BSPRY: variants seen among roughly 807,000 people sequenced by gnomAD.
The protein encoded by BSPRY is B box and SPRY domain-containing protein.
BSPRY carries 33 observed loss-of-function variants against 38.0 expected under a neutral mutation model. The ratio of observed to expected loss-of-function variants is 0.87; its 90% confidence interval spans 0.66 to 1.16. BSPRY has a LOEUF of 1.16. Ranked by LOEUF, BSPRY falls within the 50% of genes most tolerant of loss-of-function variation. BSPRY has a pLI of 0.00. For synonymous variants in BSPRY, 224 were observed against 228.5 expected (o/e 0.98, Z 0.18); for missense variants, 523 against 533.2 (o/e 0.98, Z 0.19).
intron 2 of BSPRY, among the ~76,000 whole-genome samples, chr9:113,356,347 A>C (rs1051573831): frequency 1.1e-4 from 16 of 152,248 alleles, no homozygotes; most frequent in Admixed American, 9.2e-4. Flanking sequence ...TACTAAAAAT[A>C]CAAAAAAATT....
chr9:113,355,229 G>A (rs1564334534), intron 2 of BSPRY, among the ~76,000 whole-genome samples: 2 of 152,126 alleles, frequency 1.3e-5, no homozygotes, highest in Non-Finnish European at 2.9e-5. Context: ...TGCCTATCAG[G>A]GGCAGAGCCT....
In BSPRY at chr9:113,369,989, C is replaced by T. The variant is rs775789127; in HGVS notation, c.1056C>T (p.Ala352=). 1.9e-6 allele frequency: 3 copies of T among 1,614,112 alleles called. No individual in the cohort carries two copies. Among genetic ancestry groups the T allele is most frequent in the Non-Finnish European group, 2.5e-6 (3 of 1,180,024 alleles). Residue 352 remains alanine (A), a synonymous_variant, in exon 6 of 6, where the codon GCC becomes GCT. Transcript: ENST00000374183. ...HEPLGLLRGP[A]QLGVVLDLQV... ...CCCTGGGGCTGCTGCGGGGCCCAGC[C>T]CAGCTGGGTGTAGTGCTGGACTTGC...
At chr9:113,360,383 T>G in intron 2 of BSPRY, 124 bp from the exon 3 acceptor site, 1 of 875,848 alleles carries the variant, frequency 1.1e-6, no homozygotes. Flanking sequence ...TTATTTCCAT[T>G]ACTAAGCCCG....
chr9:113,366,008 T>A (rs901320700), intron 4 of BSPRY, among the ~76,000 whole-genome samples: 2 of 152,106 alleles, frequency 1.3e-5, no homozygotes, highest in Non-Finnish European at 2.9e-5. Flanking sequence ...TTTCACCATA[T>A]TAGCCAGGCT....
At position 113,370,081 on chromosome 9, in the gene BSPRY, T is replaced by C; in HGVS notation, c.1148T>C (p.Phe383Ser). ...GTGCTCTGTGCCCATCATGTGTCCT[T>C]CCCGGGGCCCCTCTTCCCAGTCTTT... ...GTVLCAHHVS[F>S]PGPLFPVFAV... is the part of the protein sequence containing the mutation. The change falls in exon 6 of 6, where the codon TTC becomes TCC. Residue 383 changes from phenylalanine to serine, a missense_variant. Coordinates refer to ENST00000374183, the MANE Select transcript of BSPRY (RefSeq NM_017688.3). This position sits in a 1 kb window ranked among gnomAD's most constrained non-coding sequence, Gnocchi z 4.8. The C allele has an allele frequency of 6.2e-7, 1 of 1,610,682 alleles. No individual in the cohort carries two copies. The highest frequency in any genetic ancestry group is 1.1e-5 in the South Asian group (1 of 90,640).
chr9:113,351,961 C>T (rs1459952504), intron 1 of BSPRY, among the ~76,000 whole-genome samples: 2 of 152,106 alleles, frequency 1.3e-5, no homozygotes, highest in African/African-American at 2.4e-5. Flanking sequence ...AGGCGCATGC[C>T]ACTACGCCTG....
Position 113,369,864 on chromosome 9 carries a change from G to A in BSPRY, c.931G>A (p.Gly311Ser). The A allele has an allele frequency of 6.2e-7, 1 of 1,614,264 alleles. No individual in the cohort carries two copies. ...GGCTTCAGGCCACCTGCCCCGCAAG[G>A]GTTCTGGCAGTGACTGCCGTCTGGG... ...GVASGHLPRK[G>S]SGSDCRLGHN... The change falls in exon 6 of 6, where the codon GGT (glycine) becomes AGT (serine). Residue 311 changes from glycine (G) to serine (S), a missense_variant. By Grantham distance (56) the Gly-to-Ser change is moderately conservative. Transcript: ENST00000374183.
At chr9:113,364,950 T>G (rs868494223) in intron 4 of BSPRY, among the ~76,000 whole-genome samples, 1 of 78,846 alleles carries the variant, frequency 1.3e-5, no homozygotes, top group African/African-American at 4.6e-5. Flanking sequence ...TTAGCTTGTT[T>G]TTTTTTTTTT....
intron 1 of BSPRY, among the ~76,000 whole-genome samples, chr9:113,350,798 TCA>T (rs2118899850): frequency 6.6e-6 from 1 of 152,246 alleles, no homozygotes; most frequent in South Asian, 2.1e-4. Context: ...GTTACCTCTA[TCA>T]ACAATAATGA....
In BSPRY at chr9:113,370,017, G is replaced by A; in HGVS notation, c.1084G>A (p.Val362Ile). The A allele has an allele frequency of 6.2e-7, 1 of 1,614,104 alleles. No homozygotes were observed. The highest frequency in any genetic ancestry group is 8.5e-7 in the Non-Finnish European group (1 of 1,180,022). The part of the protein sequence containing the change: ...AQLGVVLDLQ[V>I]QELLFYEPAS... ...GCTGGGTGTAGTGCTGGACTTGCAG[G>A]TTCAGGAGCTGCTCTTCTATGAGCC... The change falls in exon 6 of 6, where the codon GTT becomes ATT. Residue 362 changes from valine (V) to isoleucine (I), a missense_variant. By Grantham distance (29) the Val-to-Ile change is conservative (BLOSUM62 3). Transcript: ENST00000374183. The surrounding 1 kb of genome is among the most constrained non-coding windows in gnomAD (Gnocchi z 4.8).
Position 113,369,969 on chromosome 9 carries a change from G to A in BSPRY, c.1036G>A (p.Gly346Arg), listed in dbSNP as rs774252749. Residue 346 changes from glycine (G) to arginine (R), a missense_variant, in exon 6 of 6, where the codon GGG becomes AGG. By Grantham distance (125) the Gly-to-Arg change is moderately radical. Transcript: ENST00000374183. ...FSHNGQHEPLGLLRGPAQLGV... is the reference protein window; with the variant it reads ...FSHNGQHEPLRLLRGPAQLGV... ...ACACAATGGGCAGCACGAGCCCCTG[G>A]GGCTGCTGCGGGGCCCAGCCCAGCT... 5.6e-6 allele frequency: 9 copies of A among 1,614,118 alleles called. No homozygotes were observed. The highest frequency in any genetic ancestry group is 1.6e-4 in the Middle Eastern group (1 of 6,062).
At position 113,369,438 on chromosome 9, in the gene BSPRY, G is replaced by T. The variant is rs537966779; in HGVS notation, c.683-178G>T. Among the ~76,000 whole-genome samples the T allele has an allele frequency of 5.3e-5, 8 of 152,228 alleles. No homozygotes were observed. The East Asian group carries it at 1.2e-3, about 22-fold the overall frequency. ...ACATGTATGATTCTGTTTAATTCTC[G>T]TGATCACCCAGTGAGAAGTCCTATT... On this transcript the variant is annotated intron_variant, in intron 5 of 5. Transcript: ENST00000374183.
At chr9:113,362,955 C>T (rs1024327370) in intron 4 of BSPRY, among the ~76,000 whole-genome samples, 8 of 152,146 alleles carry the variant, frequency 5.3e-5, no homozygotes, top group Non-Finnish European at 1.0e-4. Flanking sequence ...ACATAATTTG[C>T]CAGGCAGAGT....
In BSPRY at chr9:113,362,422, G is replaced by C. The variant is rs944351522; in HGVS notation, c.557+28G>C. On this transcript the variant is annotated intron_variant, in intron 4 of 5. Coordinates refer to ENST00000374183, the MANE Select transcript of BSPRY (RefSeq NM_017688.3). The stretch of plus-strand genomic sequence containing the variant: ...GAGTATAGACCCCGTGATTTGACTG[G>C]GTAGTCTTGGAGACCCTTAGACCTC... 2.5e-6 allele frequency: 4 copies of C among 1,612,450 alleles called. No homozygotes were observed. The African/African-American group carries it at 4.0e-5, about 16-fold the overall frequency.
intron 1 of BSPRY, among the ~76,000 whole-genome samples, chr9:113,350,631 A>G (rs1364103546): frequency 1.3e-5 from 2 of 151,030 alleles, no homozygotes; most frequent in Admixed American, 6.6e-5. Context: ...TCCCAACCCG[A>G]CTCTGCAGTT....
At chr9:113,350,090 T>C (rs1833947607) in intron 1 of BSPRY, among the ~76,000 whole-genome samples, 1 of 152,070 alleles carries the variant, frequency 6.6e-6, no homozygotes, top group African/African-American at 2.4e-5. Context: ...ATAAATAAGA[T>C]AGTGGGTAAA....
intron 5 of BSPRY, 106 bp from the exon 6 acceptor site, chr9:113,369,510 T>C: frequency 8.4e-7 from 1 of 1,194,570 alleles, no homozygotes; most frequent in East Asian, 2.4e-5. Flanking sequence ...AAATGGCTTA[T>C]ATGAGGTCAC....
intron 1 of BSPRY, among the ~76,000 whole-genome samples, chr9:113,350,288 G>A (rs529928159): frequency 6.6e-6 from 1 of 151,940 alleles, no homozygotes; most frequent in Non-Finnish European, 1.5e-5. Context: ...TGGACTCAAA[G>A]CCCCCCTCCT....
chr9:113,358,775 T>G (rs1214624915), intron 2 of BSPRY, among the ~76,000 whole-genome samples: 1 of 152,216 alleles, frequency 6.6e-6, no homozygotes, highest in African/African-American at 2.4e-5. Flanking sequence ...TGATTCATCT[T>G]GGGTGAGGAT....
Sources: allele counts gnomAD v4.1 joint callset (sites outside exome capture counted in the v4.1 genomes callset), GRCh38; gene constraint gnomAD v4.1.1; non-coding constraint Gnocchi (gnomAD v3.1); transcripts MANE v1.5; gene names NCBI Gene and HGNC (gene_info 2026-07-23, HGNC 2026-07-21).